Variants in PSG7 observed in about 807,000 individuals in gnomAD.
PSG7 encodes the protein pregnancy specific beta-1-glycoprotein 7.
Under a neutral mutation model 45.6 loss-of-function variants are expected in PSG7, and 57 were observed. The observed-to-expected ratio is 1.25, with a 90% CI of 1.01 to 1.56. PSG7 has a LOEUF of 1.56. PSG7 is among the 40% of genes most tolerant of loss of function. The probability of loss-of-function intolerance (pLI) is 0.00; values close to 1 mark genes in which losing one functional copy is unlikely to be tolerated. For synonymous variants in PSG7, 298 were observed against 194.4 expected, an observed-to-expected ratio of 1.53 and a Z score of -4.43; for missense variants, 796 against 508.4, an observed-to-expected ratio of 1.57 and a Z score of -5.44.
chr19:42,926,668 T>G lies in PSG7; in HGVS notation c.758A>C (p.Glu253Ala), dbSNP rs1188936887. 15 of 1,610,176 alleles carry G rather than the reference T, an allele frequency of 9.3e-6. 1 individual carries two copies. In the Admixed American group the frequency reaches 1.2e-4, roughly 13 times the overall value. ...GGTGAAGGTTGAGACATCCTTATTC[T>G]CCCTGGGGTTTAAGTTATTGATGGT... ...YITINNLNPR[E>A]NKDVSTFTCE... Residue 253 changes from glutamate to alanine, a missense_variant, in exon 4 of 6, where the codon GAG (glutamate) becomes GCG (alanine). Physicochemically the swap from Glu to Ala is moderately radical, Grantham distance 107. Coordinates refer to ENST00000406070, the MANE Select transcript of PSG7 (RefSeq NM_002783.3).
Position 42,935,454 on chromosome 19 carries a change from C to G in PSG7, c.380G>C (p.Arg127Pro), listed in dbSNP as rs146684607. The change falls in exon 2 of 6, where the codon CGA becomes CCA. Residue 127 changes from arginine to proline, a missense_variant. Transcript: ENST00000406070. ...AGTTACTCCTCCAGTCCCATCACCT[C>G]GCTTTATGATGTGTAAAGTGTAGGA... Reference protein sequence around the residue: ...TGSYTLHIIKRGDGTGGVTGR... With the variant: ...TGSYTLHIIKPGDGTGGVTGR... 1.4e-5 allele frequency: 22 copies of G among 1,612,000 alleles called. No individual in the cohort carries two copies. Among genetic ancestry groups the G allele is most frequent in the Admixed American group, 6.7e-5 (4 of 59,862 alleles).
chr19:42,933,296 TATATATATA>T lies in PSG7; in HGVS notation c.430+2099_430+2107del, dbSNP rs1295872712. Among the ~76,000 whole-genome samples, 37 of 16,446 alleles carry T rather than the reference TATATATATA, an allele frequency of 2.2e-3. 2 individuals carry two copies. The highest frequency in any genetic ancestry group is 4.5e-3 in the East Asian group (2 of 446). The allele number at this position is 16,446 out of a possible 152,430, so 10.8% of individuals were successfully genotyped here. A position where few individuals can be genotyped will look rare whatever the true frequency, so the allele number is the denominator to read the frequency against. Reference sequence around the variant, plus strand: ...ATATATATATATATATATATATATATATATATATATATTTTTTTTTTTTTTTGGTGTATG... The same window carrying T: ...ATATATATATATATATATATATATATTATTTTTTTTTTTTTTTGGTGTATG... On this transcript the variant is annotated intron_variant, in intron 2 of 5. Transcript: ENST00000406070.
chr19:42,934,590 C>T lies in PSG7; in HGVS notation c.430+814G>A, dbSNP rs980735923. On this transcript the variant is annotated intron_variant, in intron 2 of 5. Coordinates refer to ENST00000406070, the MANE Select transcript of PSG7 (RefSeq NM_002783.3). ...TTATTCACAGTCACCTGACCTAATG[C>T]GTAGCACTGTGGAAATGTTCACCAA... Among the ~76,000 whole-genome samples the T allele has an allele frequency of 4.0e-5, 6 of 151,668 alleles. No homozygotes were observed. The East Asian group carries it at 5.8e-4, about 15-fold the overall frequency.
In PSG7 at chr19:42,935,406, T is replaced by G. The variant is rs1421881968; in HGVS notation, c.428A>C (p.Tyr143Ser). 4 of 1,611,562 alleles carry G rather than the reference T, an allele frequency of 2.5e-6. No homozygotes were observed. In the East Asian group the frequency reaches 8.9e-5, roughly 36 times the overall value. The part of the protein sequence containing the change: ...GVTGRFTFTL[Y>S]LETPKPSISS... ...AGGGACCATGTGGAATCACTCACGG[T>G]ATAAGGTGAAGGTGAAACGTCCAGT... is the stretch of plus-strand genomic sequence containing the variant. The change falls in exon 2 of 6, where the codon TAC (tyrosine) becomes TCC (serine). Residue 143 changes from tyrosine to serine, a missense_variant and splice_region_variant. By Grantham distance (144) the Tyr-to-Ser change is moderately radical. Coordinates refer to ENST00000406070, the MANE Select transcript of PSG7 (RefSeq NM_002783.3).
rs1249195245 is a variant in PSG7 at position 42,935,423 on chromosome 19, A to G, written c.411T>C (p.Arg137=). ...RGDGTGGVTG[R]FTFTLYLETP... ...ACTCACGGTATAAGGTGAAGGTGAA[A>G]CGTCCAGTTACTCCTCCAGTCCCAT... is the stretch of plus-strand genomic sequence containing the variant. The change falls in exon 2 of 6, where the codon CGT becomes CGC. Residue 137 remains arginine, a synonymous_variant. Coordinates refer to ENST00000406070, the MANE Select transcript of PSG7 (RefSeq NM_002783.3). 3.1e-6 allele frequency: 5 copies of G among 1,611,662 alleles called. No individual in the cohort carries two copies. The highest frequency in any genetic ancestry group is 2.7e-5 in the African/African-American group (2 of 74,592).
intron 2 of PSG7, among the ~76,000 whole-genome samples, chr19:42,931,631 G>C (rs373967868): frequency 1.3e-5 from 2 of 151,354 alleles, no homozygotes; most frequent in Non-Finnish European, 2.9e-5. Context: ...AAGTGAGATG[G>C]CAATGGCTCG....
chr19:42,936,905 C>T (rs1973163523), intron 1 of PSG7, 108 bp downstream of exon 1: 1 of 1,509,660 alleles, frequency 6.6e-7, no homozygotes, highest in Admixed American at 1.7e-5. Context: ...CCTCAGCCTC[C>T]CAAAGTGCTG....
At position 42,924,711 on chromosome 19, in the gene PSG7, A is replaced by G; in HGVS notation, c.*97T>C. On this transcript the variant is annotated 3_prime_UTR_variant, in exon 6 of 6. Coordinates refer to ENST00000406070, the MANE Select transcript of PSG7 (RefSeq NM_002783.3). ...GGATTTTCCCATGAAATTTACATTG[A>G]GTTGTCCAACTCTGACTTATAGGGC... The G allele has an allele frequency of 2.6e-6, 2 of 765,984 alleles. No individual in the cohort carries two copies. Among genetic ancestry groups the G allele is most frequent in the Non-Finnish European group, 4.8e-6 (2 of 417,360 alleles). The allele number at this position is 765,984 out of a possible 1,614,324, so 47.4% of individuals were successfully genotyped here.
chr19:42,926,177 G>A lies in PSG7; in HGVS notation c.989-150C>T. On this transcript the variant is annotated intron_variant, in intron 4 of 5. Coordinates refer to ENST00000406070, the MANE Select transcript of PSG7 (RefSeq NM_002783.3). ...CTATGTTCACTGAGCCGAAGCCTGA[G>A]GTATTCACCTGTTTCTCCCATCACA... is the stretch of plus-strand genomic sequence containing the variant. 6.3e-6 allele frequency: 9 copies of A among 1,431,894 alleles called. 1 individual carries two copies. The South Asian group carries it at 1.3e-4, about 20-fold the overall frequency. 88.7% of individuals were successfully genotyped at this position (1,431,894 alleles called of 1,614,324 possible).
intron 5 of PSG7, 56 bp from the exon 6 acceptor site, chr19:42,924,880 G>C (rs1972492463): frequency 3.9e-6 from 3 of 763,462 alleles, no homozygotes; most frequent in Non-Finnish European, 7.2e-6. Flanking sequence ...TCTCATAACA[G>C]GTGTACTACG....
intron 2 of PSG7, among the ~76,000 whole-genome samples, chr19:42,932,465 A>G (rs1045984201): frequency 1.3e-5 from 2 of 151,630 alleles, no homozygotes; most frequent in Non-Finnish European, 2.9e-5. Flanking sequence ...TGTGAGCTCC[A>G]TAGCAGGTTG....
rs1467585991 is a variant in PSG7, at chr19:42,925,392, A to T, written c.1243+381T>A. ...TAAATATTTCAATTATCATTCCCAG[A>T]AGTATAGTTTATTGAACCACTATAA... On this transcript the variant is annotated intron_variant, in intron 5 of 5. Transcript: ENST00000406070. 3 of 433,134 alleles carry T rather than the reference A, an allele frequency of 6.9e-6. 1 individual carries two copies. The highest frequency in any genetic ancestry group is 2.0e-5 in the African/African-American group (1 of 48,970). 26.8% of individuals were successfully genotyped at this position (433,134 alleles called of 1,614,324 possible). A position where few individuals can be genotyped will look rare whatever the true frequency, so the allele number is the denominator to read the frequency against.
In PSG7 at chr19:42,935,255, G is replaced by A; in HGVS notation, c.430+149C>T. 2.8e-6 allele frequency: 4 copies of A among 1,426,736 alleles called. No individual in the cohort carries two copies. In the Admixed American group the frequency reaches 6.9e-5, roughly 25 times the overall value. The allele number at this position is 1,426,736 out of a possible 1,614,324, so 88.4% of individuals were successfully genotyped here. A position where few individuals can be genotyped will look rare whatever the true frequency, so the allele number is the denominator to read the frequency against. On this transcript the variant is annotated intron_variant, in intron 2 of 5. Coordinates refer to ENST00000406070, the MANE Select transcript of PSG7 (RefSeq NM_002783.3). ...TGATCTGTTGAAATTTGTCTCCTCTGTGTGTTTCCTGCAATAAATGCCCAA... is the reference window on the plus strand; with the variant it reads ...TGATCTGTTGAAATTTGTCTCCTCTATGTGTTTCCTGCAATAAATGCCCAA...
chr19:42,936,038 T>G (rs1461423908), intron 1 of PSG7: 1 of 599,696 alleles, frequency 1.7e-6, no homozygotes, highest in East Asian at 3.8e-5. Context: ...CATTTTTCTG[T>G]TTGGAATCCT....
At position 42,924,233 on chromosome 19, in the gene PSG7, C is replaced by G. The variant is rs997981210; in HGVS notation, c.*575G>C. The G allele has an allele frequency of 4.1e-5, 9 of 220,584 alleles. No homozygotes were observed. Among genetic ancestry groups the G allele is most frequent in the South Asian group, 1.7e-4 (1 of 5,786 alleles). The allele number at this position is 220,584 out of a possible 1,614,324, so 13.7% of individuals were successfully genotyped here. ...TGGTGAGAGCCATCCACACAATGTG[C>G]ATTTAAAGGGGAGTCTACTATAATT... On this transcript the variant is annotated 3_prime_UTR_variant, in exon 6 of 6. Coordinates refer to ENST00000406070, the MANE Select transcript of PSG7 (RefSeq NM_002783.3).
intron 2 of PSG7, among the ~76,000 whole-genome samples, chr19:42,933,905 G>T (rs1973089664): frequency 6.6e-6 from 1 of 151,434 alleles, no homozygotes; most frequent in Admixed American, 6.6e-5. Context: ...GTGGGGTGAT[G>T]AAACATGGGT....
chr19:42,933,278 TATATATATATATATATATATATATATATA>T (rs1226791828), intron 2 of PSG7, among the ~76,000 whole-genome samples: 1 of 6,256 alleles, frequency 1.6e-4, no homozygotes, highest in Non-Finnish European at 4.3e-4. Context: ...TATATATATA[TATATATATATATATATATATATATATATA>T]TTTTTTTTTT....
At chr19:42,936,888 C>T (rs532058319) in intron 1 of PSG7, 125 bp downstream of exon 1, 17 of 1,409,628 alleles carry the variant, frequency 1.2e-5, no homozygotes, top group Admixed American at 1.8e-5. Flanking sequence ...ATCTCTTGAT[C>T]CACCCACCTC....
rs1973060126 is a variant in PSG7 at position 42,933,266 on chromosome 19, A to ATATATATATATATAT, written c.430+2137_430+2138insATATATATATATATA. Among the ~76,000 whole-genome samples the ATATATATATATATAT allele has an allele frequency of 7.6e-4, 12 of 15,746 alleles. 1 individual carries two copies. The highest frequency in any genetic ancestry group is 1.2e-3 in the Non-Finnish European group (10 of 8,108). The allele number at this position is 15,746 out of a possible 152,430, so 10.3% of individuals were successfully genotyped here. On this transcript the variant is annotated intron_variant, in intron 2 of 5. Transcript: ENST00000406070. Reference sequence around the variant, plus strand: ...ATTCTTTACTACAAATCACCATTTCAATATATATATATATATATATATATA... The same window carrying ATATATATATATATAT: ...ATTCTTTACTACAAATCACCATTTCATATATATATATATATATATATATATATATATATATATATA...
Sources: gnomAD v4.1 joint callset for allele counts (sites outside exome capture counted in the v4.1 genomes callset) on GRCh38, gnomAD v4.1.1 for gene constraint, MANE v1.5 for transcripts, NCBI Gene and HGNC (gene_info 2026-07-23, HGNC 2026-07-21) for gene names.